The following R3HDM2 variants were observed in gnomAD, a reference collection of about 807,000 sequenced individuals.
R3HDM2 encodes the protein R3H domain containing 2.
R3HDM2 carries 38 observed loss-of-function variants against 124.5 expected under a neutral mutation model. That is an observed-to-expected ratio of 0.31 (90% CI 0.24 to 0.40). The LOEUF (loss-of-function observed/expected upper bound fraction) is 0.40. Ranked by LOEUF, R3HDM2 falls within the 10% of genes least tolerant of loss-of-function variation. The probability of loss-of-function intolerance (pLI) is 1.00; values close to 1 mark genes in which losing one functional copy is unlikely to be tolerated. For synonymous variants in R3HDM2, 391 were observed against 448.0 expected (o/e 0.87, Z 1.61); for missense variants, 869 against 1,236.9 (o/e 0.70, Z 4.46).
chr12:57,339,850 A>T (rs2059348693), intron 2 of R3HDM2, among the ~76,000 whole-genome samples: 1 of 152,184 alleles, frequency 6.6e-6, no homozygotes, highest in African/African-American at 2.4e-5. Context: ...TATATATCAC[A>T]TTTTTAATTA....
Position 57,253,822 on chromosome 12 carries a change from C to T in R3HDM2, c.*951G>A, listed in dbSNP as rs139499555. Reference sequence around the variant, plus strand: ...ACAAAACCAACCTCCCCCCAAATAACCCCCAAACAAACAAAAAAACAGATT... The same window carrying T: ...ACAAAACCAACCTCCCCCCAAATAATCCCCAAACAAACAAAAAAACAGATT... On this transcript the variant is annotated 3_prime_UTR_variant, in exon 24 of 24. Coordinates refer to ENST00000402412, the MANE Select transcript of R3HDM2 (RefSeq NM_001394031.1). 25 of 177,602 alleles carry T rather than the reference C, an allele frequency of 1.4e-4. 1 individual carries two copies. The East Asian group carries it at 4.7e-3, about 33-fold the overall frequency. 11.0% of individuals were successfully genotyped at this position (177,602 alleles called of 1,614,324 possible).
intron 14 of R3HDM2, among the ~76,000 whole-genome samples, chr12:57,272,856 T>C (rs148034029): frequency 6.6e-6 from 1 of 152,240 alleles, no homozygotes; most frequent in Non-Finnish European, 1.5e-5. Flanking sequence ...TTGTGAGCAA[T>C]CTGAGGACTC....
rs1422609600 is a variant in R3HDM2 at position 57,400,439 on chromosome 12, G to A, written c.-105-4621C>T. Among the ~76,000 whole-genome samples, 7 of 151,998 alleles carry A rather than the reference G, an allele frequency of 4.6e-5. No individual in the cohort carries two copies. The South Asian group carries it at 1.0e-3, about 23-fold the overall frequency. The stretch of plus-strand genomic sequence containing the variant: ...CACACACCGGGGCCTGTTGTGGGGT[G>A]GGGGGAAGGGGGAGGGATAGCATTA... On this transcript the variant is annotated intron_variant, in intron 1 of 23. Coordinates refer to ENST00000402412, the MANE Select transcript of R3HDM2 (RefSeq NM_001394031.1).
intron 3 of R3HDM2, among the ~76,000 whole-genome samples, chr12:57,303,718 G>T (rs933686069): frequency 6.6e-6 from 1 of 152,108 alleles, no homozygotes; most frequent in African/African-American, 2.4e-5. Flanking sequence ...GGAAGAGGAG[G>T]TTGCAGTGAG....
At chr12:57,269,210 C>T (rs866485204) in intron 16 of R3HDM2, 113 bp downstream of exon 16, 2 of 1,545,456 alleles carry the variant, frequency 1.3e-6, no homozygotes, top group Non-Finnish European at 1.8e-6. Flanking sequence ...TCTTAGGACC[C>T]TAATCATTCC....
At chr12:57,380,244 CAT>C (rs2138271813) in intron 2 of R3HDM2, among the ~76,000 whole-genome samples, 2 of 152,306 alleles carry the variant, frequency 1.3e-5, no homozygotes, top group African/African-American at 2.4e-5. Context: ...CTCTCAAAAA[CAT>C]ATTGTTTTTC....
intron 2 of R3HDM2, among the ~76,000 whole-genome samples, chr12:57,362,465 A>G (rs983249264): frequency 1.3e-5 from 2 of 152,250 alleles, no homozygotes; most frequent in Non-Finnish European, 2.9e-5. Context: ...AAGGCTATTA[A>G]TCAACTGTTG....
chr12:57,400,418 C>A (rs2067939983), intron 1 of R3HDM2, among the ~76,000 whole-genome samples: 1 of 150,614 alleles, frequency 6.6e-6, no homozygotes, highest in East Asian at 2.0e-4. Flanking sequence ...GAACATCACA[C>A]ACCGGGGCCT....
intron 3 of R3HDM2, 149 bp downstream of exon 3, chr12:57,310,115 G>A (rs1035000531): frequency 3.9e-5 from 20 of 508,318 alleles, no homozygotes; most frequent in East Asian, 2.8e-4. Flanking sequence ...GGAGGCTGAC[G>A]TGGGAGGATC....
chr12:57,395,928 A>G (rs1481147091), intron 1 of R3HDM2, 110 bp from the exon 2 acceptor site: 16 of 351,326 alleles, frequency 4.6e-5, no homozygotes, highest in Non-Finnish European at 5.2e-5. Context: ...ATCTTTCCCA[A>G]TTTCTTCAGC....
At chr12:57,416,169 G>A (rs73117622) in intron 1 of R3HDM2, among the ~76,000 whole-genome samples, 2,248 of 152,092 alleles carry the variant, frequency 0.015, 28 homozygotes, top group Non-Finnish European at 0.023. Flanking sequence ...TTCCTAATAC[G>A]TGAATAAAAA....
Position 57,277,062 on chromosome 12 carries a change from C to T in R3HDM2, c.1344+3296G>A, listed in dbSNP as rs1253101343. On this transcript the variant is annotated intron_variant, in intron 14 of 23. Coordinates refer to ENST00000402412, the MANE Select transcript of R3HDM2 (RefSeq NM_001394031.1). ...GCTCACTCATGTAACCAAGTACTGC[C>T]TGTACTCCAATAACTTATGGAAAAA... Among the ~76,000 whole-genome samples, 3 of 148,518 alleles carry T rather than the reference C, an allele frequency of 2.0e-5. No homozygotes were observed. The East Asian group carries it at 5.9e-4, about 29-fold the overall frequency.
chr12:57,268,962 T>G lies in R3HDM2; in HGVS notation c.1835A>C (p.Gln612Pro), dbSNP rs2043042341. Residue 612 changes from glutamine to proline, a missense_variant, in exon 17 of 24, where the codon CAA (glutamine) becomes CCA (proline). Around this residue, in one of 2 missense-constraint regions of R3HDM2, gnomAD observed 602 missense variants for 789.2 expected, o/e 0.76. Coordinates refer to ENST00000402412, the MANE Select transcript of R3HDM2 (RefSeq NM_001394031.1). ...SQRSSMGGQM[Q>P]GLVVQYTPLP... ...TGGAGTGTACTGAACCACCAGGCCT[T>G]GCATCTGGCCCCCCATGCTGCTCCT... is the stretch of plus-strand genomic sequence containing the variant. 6.2e-7 allele frequency: 1 copy of G among 1,614,168 alleles called. No individual in the cohort carries two copies. The highest frequency in any genetic ancestry group is 8.5e-7 in the Non-Finnish European group (1 of 1,180,034).
At chr12:57,363,436 G>C (rs1029776404) in intron 2 of R3HDM2, among the ~76,000 whole-genome samples, 1 of 152,136 alleles carries the variant, frequency 6.6e-6, no homozygotes, top group African/African-American at 2.4e-5. Flanking sequence ...TTAAGTGTAG[G>C]AGGAATGGGG....
At chr12:57,309,025 T>C (rs2053353803) in intron 3 of R3HDM2, among the ~76,000 whole-genome samples, 1 of 152,196 alleles carries the variant, frequency 6.6e-6, no homozygotes, top group Admixed American at 6.5e-5. Flanking sequence ...GGGCAGAGAC[T>C]GGTGAATTGT....
At chr12:57,388,476 G>A (rs1263994203) in intron 2 of R3HDM2, among the ~76,000 whole-genome samples, 1 of 152,334 alleles carries the variant, frequency 6.6e-6, no homozygotes, top group East Asian at 1.9e-4. Flanking sequence ...GAGACACAAA[G>A]GCTTGCTTGC....
intron 12 of R3HDM2, among the ~76,000 whole-genome samples, chr12:57,285,364 C>T (rs35007557): frequency 0.044 from 6,657 of 152,126 alleles, 182 homozygotes; most frequent in Middle Eastern, 0.23. Context: ...AAGCCAATCA[C>T]GATGAGCTAA....
rs1428022271 is a variant in R3HDM2, at chr12:57,348,714, AAAAAAAAG to A, written c.-35-38259_-35-38252del. On this transcript the variant is annotated intron_variant, in intron 2 of 23. Coordinates refer to ENST00000402412, the MANE Select transcript of R3HDM2 (RefSeq NM_001394031.1). ...GTCTCAAAAAAAAAAAAAAAAAAAA[AAAAAAAAG>A]AGAGAGAAAAATTAGCCAGGCATGG... Among the ~76,000 whole-genome samples the A allele has an allele frequency of 1.2e-4, 11 of 94,886 alleles. 1 individual carries two copies. Among genetic ancestry groups the A allele is most frequent in the African/African-American group, 3.7e-4 (9 of 24,530 alleles). The allele number at this position is 94,886 out of a possible 152,430, so 62.2% of individuals were successfully genotyped here. A position where few individuals can be genotyped will look rare whatever the true frequency, so the allele number is the denominator to read the frequency against.
intron 1 of R3HDM2, among the ~76,000 whole-genome samples, chr12:57,425,221 G>A (rs10876982): frequency 0.059 from 8,923 of 151,020 alleles, 355 homozygotes; most frequent in Middle Eastern, 0.11. Flanking sequence ...GCGGTGAGCC[G>A]AGATCGTGCC....
Sources: gnomAD v4.1 joint callset for allele counts (sites outside exome capture counted in the v4.1 genomes callset) on GRCh38, gnomAD v4.1.1 for gene constraint, gnomAD v4.1.1 regional missense constraint, MANE v1.5 for transcripts, NCBI Gene and HGNC (gene_info 2026-07-23, HGNC 2026-07-21) for gene names.